Variants in CLCA4 observed in about 807,000 individuals in gnomAD.
CLCA4 encodes the protein calcium-activated chloride channel regulator 4.
CLCA4 carries 69 observed loss-of-function variants against 78.9 expected under a neutral mutation model. That is an observed-to-expected ratio of 0.87 (90% CI 0.72 to 1.07). The LOEUF (loss-of-function observed/expected upper bound fraction) is 1.07. Among genes scored for constraint, CLCA4 ranks in the 50% least tolerant of loss-of-function variants. The pLI is 0.00. For missense variants in CLCA4, 1,133 were observed against 1,095.8 expected, an observed-to-expected ratio of 1.03 and a Z score of -0.48; for synonymous variants, 362 against 375.8, an observed-to-expected ratio of 0.96 and a Z score of 0.42.
In CLCA4 at chr1:86,574,608, A is replaced by T. The variant is rs1423541586; in HGVS notation, c.1536A>T (p.Thr512=). 6 of 1,613,304 alleles carry T rather than the reference A, an allele frequency of 3.7e-6. No individual in the cohort carries two copies. The highest frequency in any genetic ancestry group is 5.1e-6 in the Non-Finnish European group (6 of 1,179,456). The change falls in exon 10 of 14, where the codon ACA becomes ACT. Residue 512 remains threonine, a synonymous_variant. Transcript: ENST00000370563. ...WMNDTVIIDS[T]VGKDTFFLIT... The stretch of plus-strand genomic sequence containing the variant: ...ACGACACTGTCATAATTGATAGTAC[A>T]GTGGGAAAGGACACGTTCTTTCTCA...
intron 12 of CLCA4, among the ~76,000 whole-genome samples, chr1:86,578,370 G>T (rs1336053598): frequency 6.6e-6 from 1 of 151,926 alleles, no homozygotes; most frequent in African/African-American, 2.4e-5. Context: ...CTCGTGTCAT[G>T]GCGGTTTGTT....
In CLCA4 at chr1:86,575,411, A is replaced by G; in HGVS notation, c.1763A>G (p.Asn588Ser). 2 of 1,613,450 alleles carry G rather than the reference A, an allele frequency of 1.2e-6. No homozygotes were observed. Among genetic ancestry groups the G allele is most frequent in the Non-Finnish European group, 1.7e-6 (2 of 1,179,576 alleles). Residue 588 changes from asparagine to serine, a missense_variant, in exon 11 of 14, where the codon AAT becomes AGT. By Grantham distance (46) the Asn-to-Ser change is conservative. Coordinates refer to ENST00000370563, the MANE Select transcript of CLCA4 (RefSeq NM_012128.4). ...ATTACAGTAACTTCTCGAGCAGCAAATTCTTCTGTGCCTCCAATCACAGTG... is the reference window on the plus strand; with the variant it reads ...ATTACAGTAACTTCTCGAGCAGCAAGTTCTTCTGTGCCTCCAATCACAGTG... ...LTITVTSRAA[N>S]SSVPPITVNA... is the part of the protein sequence containing the mutation.
chr1:86,571,327 T>A (rs767387853), intron 8 of CLCA4, 73 bp downstream of exon 8: 15 of 1,428,764 alleles, frequency 1.0e-5, no homozygotes, highest in Admixed American at 1.9e-5. Flanking sequence ...TTCAACAACG[T>A]CTCTTGAGTT....
In CLCA4 at chr1:86,559,972, C is replaced by T. The variant is rs755668775; in HGVS notation, c.200C>T (p.Thr67Ile). 2 of 1,606,324 alleles carry T rather than the reference C, an allele frequency of 1.2e-6. No homozygotes were observed. The highest frequency in any genetic ancestry group is 1.1e-5 in the South Asian group (1 of 88,948). The change falls in exon 2 of 14, where the codon ACA becomes ATA. Residue 67 changes from threonine (T) to isoleucine (I), a missense_variant. Thr to Ile is a moderately conservative substitution (Grantham distance 89). Coordinates refer to ENST00000370563, the MANE Select transcript of CLCA4 (RefSeq NM_012128.4). Reference protein sequence around the residue: ...TTASTYLFEATEKRFFFKNVS... With the variant: ...TTASTYLFEAIEKRFFFKNVS... ...GCTTCTACGTACCTGTTTGAAGCCA[C>T]AGAAAAAAGATTTTTTTTCAAAAAT...
Position 86,575,605 on chromosome 1 carries a change from T to A in CLCA4, c.1951+6T>A. 6.2e-7 allele frequency: 1 copy of A among 1,609,508 alleles called. No homozygotes were observed. Among genetic ancestry groups the A allele is most frequent in the Non-Finnish European group, 8.5e-7 (1 of 1,177,176 alleles). ...ACTTTTGGATAATGGTGCAGGTAATTCACAGGTTTTTATGAATAAGCCAAT... is the reference window on the plus strand; with the variant it reads ...ACTTTTGGATAATGGTGCAGGTAATACACAGGTTTTTATGAATAAGCCAAT... On this transcript the variant is annotated splice_donor_region_variant and intron_variant, in intron 11 of 13. Coordinates refer to ENST00000370563, the MANE Select transcript of CLCA4 (RefSeq NM_012128.4).
intron 1 of CLCA4, among the ~76,000 whole-genome samples, chr1:86,556,257 G>A (rs114028922): frequency 2.6e-5 from 4 of 152,140 alleles, no homozygotes; most frequent in African/African-American, 9.7e-5. Context: ...GGAGTGGTGA[G>A]AGACAGCATC....
rs1179655140 is a variant in CLCA4, at chr1:86,579,348, A to G, written c.2123-6A>G. 3 of 1,608,516 alleles carry G rather than the reference A, an allele frequency of 1.9e-6. No homozygotes were observed. The South Asian group carries it at 3.3e-5, about 18-fold the overall frequency. On this transcript the variant is annotated splice_polypyrimidine_tract_variant and splice_region_variant and intron_variant, in intron 12 of 13. Transcript: ENST00000370563. ...CCCATTATAAACCAGGAAATGTTTA[A>G]TGCAGGGGAAATTGAAGCAAACCCG...
At chr1:86,552,936 C>T in intron 1 of CLCA4, 2 of 650,398 alleles carry the variant, frequency 3.1e-6, no homozygotes, top group Non-Finnish European at 5.6e-6. Flanking sequence ...GCGGGTGCCT[C>T]GGCGTCTGTG....
chr1:86,574,386 C>G (rs1650445830), intron 9 of CLCA4, among the ~76,000 whole-genome samples, 154 bp from the exon 10 acceptor site: 1 of 152,024 alleles, frequency 6.6e-6, no homozygotes, highest in African/African-American at 2.4e-5. Context: ...TAATTGATAA[C>G]TGTCATATCA....
At chr1:86,577,872 A>G (rs1457310014) in intron 11 of CLCA4, 30 bp from the exon 12 acceptor site, 16 of 1,591,232 alleles carry the variant, frequency 1.0e-5, no homozygotes, top group Non-Finnish European at 1.4e-5. Flanking sequence ...TTCTCTTTAC[A>G]AGACTTTATT....
chr1:86,559,615 A>T (rs57758881), intron 1 of CLCA4, among the ~76,000 whole-genome samples: 2,044 of 152,322 alleles, frequency 0.013, 41 homozygotes, highest in African/African-American at 0.047. Context: ...GAAGATACTA[A>T]CATTAGTATT....
intron 7 of CLCA4, among the ~76,000 whole-genome samples, chr1:86,570,357 C>G (rs10489695): frequency 0.15 from 22,787 of 151,974 alleles, 1,950 homozygotes; most frequent in Middle Eastern, 0.23. Context: ...CCTGGGCTAA[C>G]TTCTCTCTAT....
intron 7 of CLCA4, among the ~76,000 whole-genome samples, chr1:86,570,475 T>C (rs1300628712): frequency 1.3e-5 from 2 of 152,064 alleles, no homozygotes; most frequent in Non-Finnish European, 2.9e-5. Flanking sequence ...TTTTAATATA[T>C]TCTTTAAGCA....
In CLCA4 at chr1:86,563,664, A is replaced by C; in HGVS notation, c.452A>C (p.Lys151Thr). ...TATTTGAAATGCTTTCCCACAGGCA[A>C]ACTGTTTGTCCATGAGTGGGCTCAC... ...KKQNEYGPPG[K>T]LFVHEWAHLR... is the part of the protein sequence containing the mutation. Residue 151 changes from lysine to threonine, a missense_variant, in exon 4 of 14, where the codon AAA becomes ACA. Lys to Thr is a moderately conservative substitution (Grantham distance 78). Transcript: ENST00000370563. 1 of 1,555,976 alleles carries C rather than the reference A, an allele frequency of 6.4e-7. No homozygotes were observed. Among genetic ancestry groups the C allele is most frequent in the Non-Finnish European group, 8.7e-7 (1 of 1,144,270 alleles).
chr1:86,572,949 T>C (rs1206563470), intron 9 of CLCA4: 3 of 498,046 alleles, frequency 6.0e-6, no homozygotes, highest in African/African-American at 3.9e-5. Context: ...CCTATTGCCA[T>C]GGGTTTGGTT....
rs1433159200 is a variant in CLCA4, at chr1:86,560,305, A to C, written c.395A>C (p.His132Pro). 1.9e-6 allele frequency: 3 copies of C among 1,614,044 alleles called. No individual in the cohort carries two copies. The South Asian group carries it at 3.3e-5, about 18-fold the overall frequency. Residue 132 changes from histidine to proline, a missense_variant, in exon 3 of 14, where the codon CAC becomes CCC. Transcript: ENST00000370563. ...TGTGGAGAGAAAGGCGAATACATTC[A>C]CTTCACCCCTGACCTTCTACTTGGA... ...TECGEKGEYI[H>P]FTPDLLLGKK... is the part of the protein sequence containing the mutation.
At position 86,580,171 on chromosome 1, in the gene CLCA4, A is replaced by G. The variant is rs749697696; in HGVS notation, c.2586A>G (p.Gln862=). ...CATCAAAAGTATCCAACATTGCACA[A>G]GTAACTTTGTTTATCCCTCAAGCAA... ...NLTSKVSNIA[Q]VTLFIPQANP... Residue 862 remains glutamine (Q), a synonymous_variant, in exon 14 of 14, where the codon CAA becomes CAG. Transcript: ENST00000370563. 2 of 1,612,830 alleles carry G rather than the reference A, an allele frequency of 1.2e-6. No individual in the cohort carries two copies. The highest frequency in any genetic ancestry group is 2.2e-5 in the South Asian group (2 of 91,014).
Position 86,554,926 on chromosome 1 carries a change from G to GT in CLCA4, c.160-4999dup, listed in dbSNP as rs988140462. Among the ~76,000 whole-genome samples the GT allele has an allele frequency of 6.8e-4, 102 of 150,536 alleles. 1 individual carries two copies. The South Asian group carries it at 7.2e-3, about 11-fold the overall frequency. On this transcript the variant is annotated intron_variant, in intron 1 of 13. Transcript: ENST00000370563. ...GGTATGAGATGATATCTCATGGTGGGTTTTTTTGTGTGTGTGTTTCTTTAA... is the reference window on the plus strand; with the variant it reads ...GGTATGAGATGATATCTCATGGTGGGTTTTTTTTGTGTGTGTGTTTCTTTAA...
intron 1 of CLCA4, among the ~76,000 whole-genome samples, chr1:86,554,860 G>GT (rs150075352): frequency 0.068 from 9,562 of 140,552 alleles, 441 homozygotes; most frequent in African/African-American, 0.14. Flanking sequence ...CAAGCATCTG[G>GT]TTTTTTTTTT....
Sources: gnomAD v4.1 joint callset for allele counts (sites outside exome capture counted in the v4.1 genomes callset) on GRCh38, gnomAD v4.1.1 for gene constraint, MANE v1.5 for transcripts, NCBI Gene and HGNC (gene_info 2026-07-23, HGNC 2026-07-21) for gene names.